The following ZNF25 variants were observed in gnomAD, a reference collection of about 807,000 sequenced individuals.
ZNF25 encodes the protein zinc finger protein 25.
ZNF25 carries 21 observed loss-of-function variants against 30.9 expected under a neutral mutation model. The ratio of observed to expected loss-of-function variants is 0.68; its 90% confidence interval spans 0.48 to 0.98. The LOEUF (loss-of-function observed/expected upper bound fraction) is 0.98, where lower values mean the gene tolerates loss of function less well. ZNF25 is among the 50% of genes least tolerant of loss of function. The pLI, the probability that ZNF25 is intolerant of heterozygous loss-of-function variation, is 0.00. For synonymous variants in ZNF25, 169 were observed against 181.3 expected (o/e 0.93, Z 0.55); for missense variants, 501 against 529.9 (o/e 0.95, Z 0.54).
At chr10:37,954,494 A>C (rs1216644050) in intron 4 of ZNF25, among the ~76,000 whole-genome samples, 1 of 152,170 alleles carries the variant, frequency 6.6e-6, no homozygotes, top group Non-Finnish European at 1.5e-5. Context: ...CCATCTATAC[A>C]AGGATGAATT....
intron 4 of ZNF25, among the ~76,000 whole-genome samples, chr10:37,955,638 CAGAAAGT>C (rs536794144): frequency 3.9e-4 from 59 of 152,176 alleles, no homozygotes; most frequent in African/African-American, 1.2e-3. Flanking sequence ...AGGAACAGAG[CAGAAAGT>C]AGAAAGTGTC....
intron 2 of ZNF25, among the ~76,000 whole-genome samples, 172 bp from the exon 3 acceptor site, chr10:37,957,718 A>C (rs1040615412): frequency 1.3e-5 from 2 of 152,200 alleles, no homozygotes; most frequent in African/African-American, 4.8e-5. Flanking sequence ...TGTTCATTAC[A>C]TATTTACTGA....
chr10:37,954,074 G>T (rs2062359232), intron 4 of ZNF25, among the ~76,000 whole-genome samples: 1 of 152,152 alleles, frequency 6.6e-6, no homozygotes, highest in Non-Finnish European at 1.5e-5. Context: ...GTTGCTGAAC[G>T]GGAGTGTGGG....
chr10:37,973,356 C>G (rs776409148), intron 1 of ZNF25, among the ~76,000 whole-genome samples: 1 of 151,958 alleles, frequency 6.6e-6, no homozygotes, highest in Non-Finnish European at 1.5e-5. Context: ...TGGCTCACAC[C>G]TGTAATCCCA....
chr10:37,975,080 G>A (rs2063726199), intron 1 of ZNF25, among the ~76,000 whole-genome samples: 1 of 152,166 alleles, frequency 6.6e-6, no homozygotes, highest in African/African-American at 2.4e-5. Context: ...AAGATACGAT[G>A]TAGAATGATG....
At chr10:37,956,097 T>C (rs2062502579) in intron 4 of ZNF25, among the ~76,000 whole-genome samples, 1 of 152,234 alleles carries the variant, frequency 6.6e-6, no homozygotes, top group Non-Finnish European at 1.5e-5. Flanking sequence ...AGAAAATACG[T>C]GACAAACATT....
In ZNF25 at chr10:37,957,027, G is replaced by T; in HGVS notation, c.231C>A (p.Gly77=). 6.2e-7 allele frequency: 1 copy of T among 1,613,480 alleles called. No individual in the cohort carries two copies. The highest frequency in any genetic ancestry group is 8.5e-7 in the Non-Finnish European group (1 of 1,179,710). Reference sequence around the variant, plus strand: ...TAATTTCTTCTAACTCACCAGGGAAGCCCCGATGTGGAAATTCTACTTCTA... The same window carrying T: ...TAATTTCTTCTAACTCACCAGGGAATCCCCGATGTGGAAATTCTACTTCTA... The part of the protein sequence containing the change: ...WILEVEFPHR[G]FPEDLWSIHD... Residue 77 remains glycine, a synonymous_variant, in exon 4 of 6, where the codon GGC becomes GGA. Coordinates refer to ENST00000302609, the MANE Select transcript of ZNF25 (RefSeq NM_145011.4).
In ZNF25 at chr10:37,952,003, G is replaced by A; in HGVS notation, c.*124C>T. 1 of 826,996 alleles carries A rather than the reference G, an allele frequency of 1.2e-6. No homozygotes were observed. The highest frequency in any genetic ancestry group is 1.8e-6 in the Non-Finnish European group (1 of 544,988). The allele number at this position is 826,996 out of a possible 1,614,324, so 51.2% of individuals were successfully genotyped here. A position where few individuals can be genotyped will look rare whatever the true frequency, so the allele number is the denominator to read the frequency against. On this transcript the variant is annotated 3_prime_UTR_variant, in exon 6 of 6. Coordinates refer to ENST00000302609, the MANE Select transcript of ZNF25 (RefSeq NM_145011.4). ...CTCTCTATGTATTTGCTGATACACA[G>A]AGAGAGCAAAGATTGTAGCTGAAAA...
At chr10:37,956,956 C>T in intron 4 of ZNF25, 64 bp downstream of exon 4, 1 of 971,002 alleles carries the variant, frequency 1.0e-6, no homozygotes, top group Non-Finnish European at 1.6e-6. Flanking sequence ...CCGAAAAGTA[C>T]TTCAGAAGGC....
chr10:37,953,400 T>C (rs1215838279), intron 5 of ZNF25: 2 of 614,784 alleles, frequency 3.3e-6, no homozygotes, highest in East Asian at 5.6e-5. Flanking sequence ...AATCTGCATT[T>C]GCATTCTATT....
intron 2 of ZNF25, among the ~76,000 whole-genome samples, chr10:37,960,064 G>A (rs965100449): frequency 2.0e-5 from 3 of 152,076 alleles, no homozygotes; most frequent in Non-Finnish European, 4.4e-5. Flanking sequence ...ATAGATGCCC[G>A]CCACCATGCT....
intron 2 of ZNF25, among the ~76,000 whole-genome samples, chr10:37,967,481 C>T (rs1481966825): frequency 4.0e-5 from 6 of 151,154 alleles, no homozygotes; most frequent in African/African-American, 1.5e-4. Flanking sequence ...CCAGTCATGG[C>T]TTACTGCAGC....
chr10:37,955,516 A>C (rs1773462783), intron 4 of ZNF25, among the ~76,000 whole-genome samples: 1 of 152,180 alleles, frequency 6.6e-6, no homozygotes, highest in African/African-American at 2.4e-5. Context: ...AAAATATGGG[A>C]TCAGAATATA....
Position 37,952,484 on chromosome 10 carries a change from C to T in ZNF25, c.1014G>A (p.Gly338=), listed in dbSNP as rs751383299. The change falls in exon 6 of 6, where the codon GGG becomes GGA. Residue 338 remains glycine (G), a synonymous_variant. Transcript: ENST00000302609. ...ATTTATTACATTCAAAGGGTTTCTCCCCTGTGTGAGTTCGCTGATGTACTG... is the reference window on the plus strand; with the variant it reads ...ATTTATTACATTCAAAGGGTTTCTCTCCTGTGTGAGTTCGCTGATGTACTG... ...ALTVHQRTHT[G]EKPFECNKCG... 6.2e-7 allele frequency: 1 copy of T among 1,613,734 alleles called. No individual in the cohort carries two copies. The highest frequency in any genetic ancestry group is 8.5e-7 in the Non-Finnish European group (1 of 1,179,946).
At chr10:37,972,155 T>C (rs542332304) in intron 1 of ZNF25, among the ~76,000 whole-genome samples, 3 of 152,342 alleles carry the variant, frequency 2.0e-5, no homozygotes, top group Admixed American at 6.5e-5. Context: ...TATTGGCACA[T>C]AAAAGGTAAT....
At chr10:37,967,610 G>T (rs2063260214) in intron 2 of ZNF25, among the ~76,000 whole-genome samples, 1 of 152,016 alleles carries the variant, frequency 6.6e-6, no homozygotes, top group Non-Finnish European at 1.5e-5. Context: ...GTCTTGTCAT[G>T]TTGCCCAGGA....
intron 2 of ZNF25, among the ~76,000 whole-genome samples, chr10:37,966,119 C>CTTT (rs1177729766): frequency 2.6e-5 from 4 of 152,008 alleles, no homozygotes; most frequent in Non-Finnish European, 5.9e-5. Context: ...TATCACATTG[C>CTTT]TATAAAGAAC....
Position 37,952,150 on chromosome 10 carries a change from T to G in ZNF25, c.1348A>C (p.Lys450Gln). The change falls in exon 6 of 6, where the codon AAG (lysine) becomes CAG (glutamine). Residue 450 changes from lysine to glutamine, a missense_variant. By Grantham distance (53) the Lys-to-Gln change is moderately conservative (BLOSUM62 1). Transcript: ENST00000302609. ...TCTTACTTCTCAGCATTCCTCTTCT[T>G]TGTGTGTGTCTTCTGATGTGCAGTG... Reference protein sequence around the residue: ...QLTAHQKTHTKKRNAEK With the variant: ...QLTAHQKTHTQKRNAEK 1 of 1,574,832 alleles carries G rather than the reference T, an allele frequency of 6.3e-7. No individual in the cohort carries two copies. Among genetic ancestry groups the G allele is most frequent in the Non-Finnish European group, 8.6e-7 (1 of 1,162,582 alleles).
intron 2 of ZNF25, among the ~76,000 whole-genome samples, chr10:37,969,860 C>A (rs984135415): frequency 7.2e-5 from 11 of 152,074 alleles, no homozygotes; most frequent in African/African-American, 2.7e-4. Context: ...AAACAATAAG[C>A]CAGAAACAAT....
Sources: allele counts gnomAD v4.1 joint callset (sites outside exome capture counted in the v4.1 genomes callset), GRCh38; gene constraint gnomAD v4.1.1; transcripts MANE v1.5; gene names NCBI Gene and HGNC (gene_info 2026-07-23, HGNC 2026-07-21).